The following GREB1 variants were observed in gnomAD, a reference collection of about 807,000 sequenced individuals.
GREB1 encodes growth regulating estrogen receptor binding 1.
In GREB1, 106 loss-of-function variants were observed where a neutral mutation model predicts 200.7. The ratio of observed to expected loss-of-function variants is 0.53; its 90% CI spans 0.45 to 0.62. The LOEUF (loss-of-function observed/expected upper bound fraction) is 0.62, where lower values mean the gene tolerates loss of function less well. Ranked by LOEUF, GREB1 falls within the 20% of genes least tolerant of loss-of-function variation. The pLI, the probability that GREB1 is intolerant of heterozygous loss-of-function variation, is 0.00. For missense variants in GREB1, 2,243 were observed against 2,556.8 expected (o/e 0.88, Z 2.65); for synonymous variants, 1,132 against 1,092.4 (o/e 1.04, Z -0.72).
chr2:11,563,477 A>T (rs973853354), intron 3 of GREB1, among the ~76,000 whole-genome samples: 2 of 152,222 alleles, frequency 1.3e-5, no homozygotes, highest in African/African-American at 4.8e-5. Context: ...TCTGCCACCC[A>T]TGAGCCACAC....
intron 1 of GREB1, among the ~76,000 whole-genome samples, chr2:11,510,427 T>G (rs556176811): frequency 6.6e-6 from 1 of 152,342 alleles, no homozygotes; most frequent in East Asian, 1.9e-4. Flanking sequence ...AGATCCATGA[T>G]TTCATTAGGG....
At chr2:11,577,721 G>A (rs576624659) in intron 5 of GREB1, among the ~76,000 whole-genome samples, 64 of 152,182 alleles carry the variant, frequency 4.2e-4, no homozygotes, top group Non-Finnish European at 6.6e-4. Flanking sequence ...GGTGGCTCTG[G>A]GCACGCCCCC....
Position 11,631,896 on chromosome 2 carries a change from C to G in GREB1, c.4612-13C>G, listed in dbSNP as rs751660799. 6.2e-6 allele frequency: 10 copies of G among 1,600,830 alleles called. No homozygotes were observed. Among genetic ancestry groups the G allele is most frequent in the African/African-American group, 1.3e-5 (1 of 74,646 alleles). On this transcript the variant is annotated splice_polypyrimidine_tract_variant and intron_variant, in intron 26 of 32. Coordinates refer to ENST00000381486, the MANE Select transcript of GREB1 (RefSeq NM_014668.4). ...TTACAAACACTCTACCTCATGATAC[C>G]TGTACTTTGCAGAGCCATGAATATA...
In GREB1 at chr2:11,585,924, C is replaced by T. The variant is rs116710116; in HGVS notation, c.1159+19C>T. ...TTTAAAGGCAAGTACAGCAGTGCAC[C>T]GAGTCGTGGGGATGGGAGAACCTAA... is the stretch of plus-strand genomic sequence containing the variant. On this transcript the variant is annotated intron_variant, in intron 9 of 32. Transcript: ENST00000381486. The T allele has an allele frequency of 7.2e-4, 1,150 of 1,606,042 alleles. 8 individuals carry two copies. The African/African-American group carries it at 0.013, about 19-fold the overall frequency.
At chr2:11,535,112 G>GAGCTACCTGC (rs547605519) in intron 1 of GREB1, among the ~76,000 whole-genome samples, 159 of 152,300 alleles carry the variant, frequency 1.0e-3, no homozygotes, top group African/African-American at 3.7e-3. Flanking sequence ...GGGGTGGGAG[G>GAGCTACCTGC]TAGAGGAGCT....
intron 1 of GREB1, among the ~76,000 whole-genome samples, chr2:11,522,927 ATCT>A (rs1358993006): frequency 6.6e-6 from 1 of 152,232 alleles, no homozygotes; most frequent in Non-Finnish European, 1.5e-5. Flanking sequence ...GAAAAATATC[ATCT>A]TCTTGCAGCA....
intron 19 of GREB1, among the ~76,000 whole-genome samples, chr2:11,614,655 C>G (rs937536785): frequency 2.0e-5 from 3 of 151,942 alleles, no homozygotes; most frequent in African/African-American, 7.3e-5. Context: ...GCTCTGCCTC[C>G]CGGGTTCACT....
rs537620227 is a variant in GREB1 at position 11,630,353 on chromosome 2, T to C, written c.4611+244T>C. Among the ~76,000 whole-genome samples, 3 of 152,378 alleles carry C rather than the reference T, an allele frequency of 2.0e-5. No individual in the cohort carries two copies. The South Asian group carries it at 6.2e-4, about 32-fold the overall frequency. On this transcript the variant is annotated intron_variant, in intron 26 of 32. Transcript: ENST00000381486. ...ATATCTGCAAGCCTTGGTTTCCTCA[T>C]TGTTACATTGGAGAGTAGCAACTTG...
intron 1 of GREB1, among the ~76,000 whole-genome samples, chr2:11,486,571 A>G (rs1672660836): frequency 6.6e-6 from 1 of 152,130 alleles, no homozygotes; most frequent in African/African-American, 2.4e-5. Flanking sequence ...AACAAAAAAC[A>G]GCCAGGTGTG....
At chr2:11,616,502 A>G (rs1210212118) in intron 20 of GREB1, 129 bp from the exon 21 acceptor site, 4 of 716,480 alleles carry the variant, frequency 5.6e-6, no homozygotes, top group Non-Finnish European at 1.0e-5. Flanking sequence ...GGCCTGGAAG[A>G]TGGCAGTGAA....
rs185135366 is a variant in GREB1 at position 11,627,035 on chromosome 2, C to T, written c.4380C>T (p.Tyr1460=). 375 of 1,613,940 alleles carry T rather than the reference C, an allele frequency of 2.3e-4. 1 individual carries two copies. In the African/African-American group the frequency reaches 3.7e-3, roughly 16 times the overall value. Residue 1460 remains tyrosine, a synonymous_variant, in exon 25 of 33, where the codon TAC becomes TAT. Coordinates refer to ENST00000381486, the MANE Select transcript of GREB1 (RefSeq NM_014668.4). The stretch of plus-strand genomic sequence containing the variant: ...CGGCACGGATGAGACTGTCCAAGTA[C>T]GCAGCGTACAACACTTACCACCACT... The part of the protein sequence containing the change: ...RQTARMRLSK[Y]AAYNTYHHCE...
intron 10 of GREB1, among the ~76,000 whole-genome samples, chr2:11,592,530 A>C (rs961957880): frequency 1.3e-5 from 2 of 151,900 alleles, no homozygotes; most frequent in African/African-American, 2.4e-5. Flanking sequence ...AAATGTACAA[A>C]TCATCTTATA....
chr2:11,585,407 AAGG>A, intron 8 of GREB1, 133 bp downstream of exon 8: 1 of 621,440 alleles, frequency 1.6e-6, no homozygotes, highest in East Asian at 2.8e-5. Flanking sequence ...AGGGAGTTCT[AAGG>A]AGGCAGAGTT....
intron 1 of GREB1, among the ~76,000 whole-genome samples, chr2:11,497,338 A>G (rs1672915049): frequency 6.6e-6 from 1 of 152,140 alleles, no homozygotes; most frequent in Non-Finnish European, 1.5e-5. Context: ...CTTTCATGAT[A>G]TTGATGGACC....
chr2:11,530,768 A>C (rs972282196), upstream of GREB1, among the ~76,000 whole-genome samples: 3 of 152,166 alleles, frequency 2.0e-5, no homozygotes, highest in African/African-American at 7.2e-5. Flanking sequence ...TCATCATATC[A>C]TGAGTCTGTG....
upstream of GREB1, among the ~76,000 whole-genome samples, chr2:11,531,570 TA>T (rs1259624341): frequency 6.6e-6 from 1 of 152,080 alleles, no homozygotes; most frequent in Non-Finnish European, 1.5e-5. Flanking sequence ...ATTAATTAAT[TA>T]ATTATTATTA....
In GREB1 at chr2:11,592,763, C is replaced by T. The variant is rs777908087; in HGVS notation, c.1346-13C>T. ...GCATTTGTGGCAGGCCCTCCGCCCG[C>T]ATTGTGTTGCAGCCGCGGACCAGGT... is the stretch of plus-strand genomic sequence containing the variant. On this transcript the variant is annotated splice_polypyrimidine_tract_variant and intron_variant, in intron 10 of 32. Transcript: ENST00000381486. 61 of 1,483,530 alleles carry T rather than the reference C, an allele frequency of 4.1e-5. 2 individuals carry two copies. The South Asian group carries it at 7.6e-4, about 18-fold the overall frequency. The allele number at this position is 1,483,530 out of a possible 1,614,324, so 91.9% of individuals were successfully genotyped here.
intron 16 of GREB1, 125 bp downstream of exon 16, chr2:11,601,120 G>T: frequency 1.4e-6 from 1 of 733,096 alleles, no homozygotes; most frequent in Non-Finnish European, 2.2e-6. Flanking sequence ...TGGATCTTTG[G>T]TTCAACCCAG....
In GREB1 at chr2:11,587,741, A is replaced by ACACACACACACACACACACGCG; in HGVS notation, c.1160-1004_1160-1003insACACACACACACACACACGCGC. 8.0e-4 allele frequency: 630 copies of ACACACACACACACACACACGCG among 788,358 alleles called. 29 individuals are homozygous for ACACACACACACACACACACGCG. The highest frequency in any genetic ancestry group is 6.7e-3 in the East Asian group (87 of 12,900). The allele number at this position is 788,358 out of a possible 1,614,324, so 48.8% of individuals were successfully genotyped here. ...CACACACACACACACACACACACACACGCCACCTTTGGGAGCTCAGCAGCC... is the reference window on the plus strand; with the variant it reads ...CACACACACACACACACACACACACACACACACACACACACACACGCGCGCCACCTTTGGGAGCTCAGCAGCC... On this transcript the variant is annotated intron_variant, in intron 9 of 32. Transcript: ENST00000381486.
Sources: gnomAD v4.1 joint callset for allele counts (sites outside exome capture counted in the v4.1 genomes callset) on GRCh38, gnomAD v4.1.1 for gene constraint, MANE v1.5 for transcripts, NCBI Gene and HGNC (gene_info 2026-07-23, HGNC 2026-07-21) for gene names.